The following NKAIN2 variants were observed in gnomAD, a reference collection of about 807,000 sequenced individuals.
NKAIN2 encodes the protein sodium/potassium transporting ATPase interacting 2.
In NKAIN2, 14 loss-of-function variants were observed where a neutral mutation model predicts 32.6. The observed-to-expected ratio is 0.43, with a 90% CI of 0.28 to 0.67. The LOEUF (loss-of-function observed/expected upper bound fraction) is 0.67, where lower values mean the gene tolerates loss of function less well. NKAIN2 is among the 30% of genes least tolerant of loss of function. NKAIN2 has a pLI of 0.17. For synonymous variants in NKAIN2, 80 were observed against 87.2 expected, an observed-to-expected ratio of 0.92 and a Z score of 0.46; for missense variants, 198 against 258.3, an observed-to-expected ratio of 0.77 and a Z score of 1.60.
At chr6:124,332,080 G>A (rs991998079) in intron 2 of NKAIN2, among the ~76,000 whole-genome samples, 3 of 152,072 alleles carry the variant, frequency 2.0e-5, no homozygotes, top group African/African-American at 7.2e-5. Context: ...AAATGGATAA[G>A]GATATAGGCT....
chr6:123,853,576 GA>G (rs1381375565), intron 1 of NKAIN2, among the ~76,000 whole-genome samples: 2 of 151,380 alleles, frequency 1.3e-5, no homozygotes, highest in Non-Finnish European at 2.9e-5. Context: ...GAAAACATAA[GA>G]AAAAAAGAAA....
At chr6:124,773,973 T>C (rs1489209232) in intron 4 of NKAIN2, among the ~76,000 whole-genome samples, 2 of 152,044 alleles carry the variant, frequency 1.3e-5, no homozygotes, top group East Asian at 1.9e-4. Context: ...GAGGAGGAGA[T>C]TGAGTCAAAG....
intron 3 of NKAIN2, among the ~76,000 whole-genome samples, chr6:124,584,670 A>AG (rs781179033): frequency 6.6e-6 from 1 of 151,278 alleles, no homozygotes; most frequent in African/African-American, 2.4e-5. Context: ...AAAAAAAAAA[A>AG]AAAGACATAC....
chr6:124,347,665 A>T (rs970811046), intron 2 of NKAIN2, among the ~76,000 whole-genome samples: 4 of 152,016 alleles, frequency 2.6e-5, no homozygotes, highest in Non-Finnish European at 4.4e-5. Context: ...GTAGTTCTCG[A>T]GCCTTGGCTT....
At chr6:124,774,912 T>TTGGA (rs1281910036) in intron 4 of NKAIN2, among the ~76,000 whole-genome samples, 1 of 151,868 alleles carries the variant, frequency 6.6e-6, no homozygotes, top group East Asian at 1.9e-4. Flanking sequence ...GACAGTATCT[T>TTGGA]TGGACAGTTG....
chr6:124,800,982 A>G (rs6924401), intron 5 of NKAIN2, among the ~76,000 whole-genome samples: 34,665 of 152,116 alleles, frequency 0.23, 4,381 homozygotes, highest in East Asian at 0.59. Context: ...GAATTCCCAA[A>G]TGTGGCACTG....
chr6:123,917,368 G>A (rs1382416890), intron 1 of NKAIN2, among the ~76,000 whole-genome samples: 1 of 152,012 alleles, frequency 6.6e-6, no homozygotes, highest in Non-Finnish European at 1.5e-5. Flanking sequence ...TGGTATAAAA[G>A]TATGTGTCAA....
intron 3 of NKAIN2, among the ~76,000 whole-genome samples, chr6:124,633,783 G>T (rs1783664447): frequency 6.6e-6 from 1 of 152,126 alleles, no homozygotes; most frequent in African/African-American, 2.4e-5. Flanking sequence ...ATGGCACCTA[G>T]AGCCCGAGGA....
chr6:124,629,689 T>G (rs745731156), intron 3 of NKAIN2, among the ~76,000 whole-genome samples: 1 of 152,184 alleles, frequency 6.6e-6, no homozygotes, highest in Admixed American at 6.5e-5. Context: ...ATTTTCCCAA[T>G]GTAGAGATAC....
At chr6:124,016,359 C>G (rs1245654107) in intron 1 of NKAIN2, among the ~76,000 whole-genome samples, 1 of 152,080 alleles carries the variant, frequency 6.6e-6, no homozygotes, top group East Asian at 1.9e-4. Context: ...TTATAAAATG[C>G]CTTCATATAC....
chr6:124,018,903 T>A (rs2114754506), intron 1 of NKAIN2, among the ~76,000 whole-genome samples: 1 of 152,276 alleles, frequency 6.6e-6, no homozygotes, highest in South Asian at 2.1e-4. Context: ...TAGTCTGTTC[T>A]CATGCTTCTA....
At chr6:124,129,278 G>C (rs1170112562) in intron 1 of NKAIN2, among the ~76,000 whole-genome samples, 3 of 152,060 alleles carry the variant, frequency 2.0e-5, no homozygotes, top group African/African-American at 7.2e-5. Context: ...AAGAAGGAAG[G>C]GAAAGAAGCA....
chr6:124,749,752 A>G (rs1216900693), intron 4 of NKAIN2, among the ~76,000 whole-genome samples: 4 of 152,002 alleles, frequency 2.6e-5, no homozygotes, highest in Non-Finnish European at 4.4e-5. Flanking sequence ...CTAAAATTGT[A>G]GATCAAAAAT....
At chr6:123,828,595 T>C (rs1372974278) in intron 1 of NKAIN2, among the ~76,000 whole-genome samples, 1 of 152,200 alleles carries the variant, frequency 6.6e-6, no homozygotes, top group African/African-American at 2.4e-5. Context: ...TGTCTTGTTA[T>C]TGAAGATAGA....
At chr6:124,387,269 A>T (rs1171044815) in intron 3 of NKAIN2, among the ~76,000 whole-genome samples, 1 of 147,404 alleles carries the variant, frequency 6.8e-6, no homozygotes, top group Non-Finnish European at 1.5e-5. Context: ...TCTATTCTGT[A>T]AAAAAAGTTT....
At chr6:124,714,682 C>T (rs928037691) in intron 4 of NKAIN2, among the ~76,000 whole-genome samples, 1 of 152,200 alleles carries the variant, frequency 6.6e-6, no homozygotes, top group African/African-American at 2.4e-5. Context: ...TAATTTTCAT[C>T]TGAGCATAGT....
intron 1 of NKAIN2, among the ~76,000 whole-genome samples, chr6:123,957,161 G>A (rs772675239): frequency 9.9e-5 from 15 of 152,098 alleles, no homozygotes; most frequent in Middle Eastern, 3.4e-3. Flanking sequence ...TTTTTTATGC[G>A]TATAAATTGG....
At chr6:124,132,146 C>T (rs903634344) in intron 1 of NKAIN2, among the ~76,000 whole-genome samples, 21 of 152,204 alleles carry the variant, frequency 1.4e-4, no homozygotes, top group African/African-American at 4.8e-4. Context: ...CCAGCTATCC[C>T]CCACTTCTTT....
At chr6:124,381,222 A>G (rs1299285580) in intron 3 of NKAIN2, among the ~76,000 whole-genome samples, 3 of 152,230 alleles carry the variant, frequency 2.0e-5, no homozygotes, top group South Asian at 4.2e-4. Context: ...GTTTGAAAAT[A>G]TGTAGTTTTT....
Sources: allele counts gnomAD v4.1 joint callset (sites outside exome capture counted in the v4.1 genomes callset), GRCh38; gene constraint gnomAD v4.1.1; transcripts MANE v1.5; gene names NCBI Gene and HGNC (gene_info 2026-07-23, HGNC 2026-07-21).